TRPC7: variants seen among roughly 807,000 people sequenced by gnomAD.
The protein encoded by TRPC7 is short transient receptor potential channel 7.
In TRPC7, 42 loss-of-function variants were observed where a neutral mutation model predicts 90.1. The observed-to-expected ratio is 0.47, with a 90% CI of 0.36 to 0.60. TRPC7 has a LOEUF of 0.60. TRPC7 is among the 20% of genes least tolerant of loss of function. The probability of loss-of-function intolerance (pLI) is 0.00; values close to 1 mark genes in which losing one functional copy is unlikely to be tolerated. For missense variants in TRPC7, 955 were observed against 1,112.3 expected, an observed-to-expected ratio of 0.86 and a Z score of 2.01; for synonymous variants, 451 against 436.3, an observed-to-expected ratio of 1.03 and a Z score of -0.42.
chr5:136,356,954 T>C lies in TRPC7; in HGVS notation c.434A>G (p.Glu145Gly). The C allele has an allele frequency of 6.2e-7, 1 of 1,612,716 alleles. No individual in the cohort carries two copies. Among genetic ancestry groups the C allele is most frequent in the Non-Finnish European group, 8.5e-7 (1 of 1,179,660 alleles). ...GGCATAGAAGTCGTCGTCGCGCAGC[T>C]CCTGTTCCAGCGGGCTGAGCGTCAG... ...QRLTLSPLEQ[E>G]LRDDDFYAYD... The change falls in exon 2 of 12, where the codon GAG becomes GGG. Residue 145 changes from glutamate (E) to glycine (G), a missense_variant. Physicochemically the swap from Glu to Gly is moderately conservative, Grantham distance 98. Transcript: ENST00000513104.
chr5:136,296,205 A>G (rs1758164920), intron 3 of TRPC7, among the ~76,000 whole-genome samples: 1 of 152,206 alleles, frequency 6.6e-6, no homozygotes, highest in Non-Finnish European at 1.5e-5. Context: ...AGAGGAATGC[A>G]TTTTAAAATA....
intron 7 of TRPC7, among the ~76,000 whole-genome samples, chr5:136,234,958 C>T (rs533386755): frequency 6.6e-6 from 1 of 152,170 alleles, no homozygotes; most frequent in African/African-American, 2.4e-5. Context: ...AACTAAATAA[C>T]TTCTGAATGG....
intron 1 of TRPC7, among the ~76,000 whole-genome samples, chr5:136,361,395 TTATTA>T (rs1387784775): frequency 1.3e-5 from 2 of 152,158 alleles, no homozygotes; most frequent in Non-Finnish European, 2.9e-5. Context: ...GGAGGACTGA[TTATTA>T]AACTCCCTCT....
At chr5:136,315,480 CTG>C (rs1304319889) in intron 3 of TRPC7, 115 bp downstream of exon 3, 1 of 1,099,842 alleles carries the variant, frequency 9.1e-7, no homozygotes, top group African/African-American at 1.6e-5. Flanking sequence ...TAAAGAGAAT[CTG>C]GGTGTCATCA....
intron 2 of TRPC7, among the ~76,000 whole-genome samples, chr5:136,348,528 A>T (rs941033123): frequency 1.3e-5 from 2 of 152,164 alleles, no homozygotes; most frequent in Non-Finnish European, 2.9e-5. Flanking sequence ...TGCTGTGTTT[A>T]TTGGTATGAT....
At chr5:136,313,021 C>G (rs1758886009) in intron 3 of TRPC7, among the ~76,000 whole-genome samples, 1 of 134,904 alleles carries the variant, frequency 7.4e-6, no homozygotes, top group Admixed American at 8.8e-5. Context: ...CTTGCTATGT[C>G]CCCCAGGCTG....
Position 136,274,905 on chromosome 5 carries a change from G to A in TRPC7, c.964-68C>T. On this transcript the variant is annotated intron_variant, in intron 3 of 11. Coordinates refer to ENST00000513104, the MANE Select transcript of TRPC7 (RefSeq NM_020389.3). The stretch of plus-strand genomic sequence containing the variant: ...AAATGGCATTGATAGCACTTGAACA[G>A]TATACAACCTAGGAGTAGCTGGGGG... The A allele has an allele frequency of 2.7e-6, 4 of 1,500,566 alleles. 1 individual carries two copies. The South Asian group carries it at 3.9e-5, about 15-fold the overall frequency. The allele number at this position is 1,500,566 out of a possible 1,614,324, so 93.0% of individuals were successfully genotyped here.
chr5:136,301,902 G>A (rs1460505233), intron 3 of TRPC7, among the ~76,000 whole-genome samples: 1 of 152,184 alleles, frequency 6.6e-6, no homozygotes, highest in Admixed American at 6.5e-5. Context: ...CCTGCTCTTT[G>A]CTCCATGAGA....
At chr5:136,319,669 G>A (rs181216948) in intron 2 of TRPC7, among the ~76,000 whole-genome samples, 3 of 152,088 alleles carry the variant, frequency 2.0e-5, no homozygotes, top group African/African-American at 4.8e-5. Flanking sequence ...CATAAATCAC[G>A]TTCATGTTGC....
At chr5:136,238,494 G>A (rs531164761) in intron 7 of TRPC7, among the ~76,000 whole-genome samples, 1 of 152,306 alleles carries the variant, frequency 6.6e-6, no homozygotes, top group South Asian at 2.1e-4. Context: ...TGCCCCTGCT[G>A]GTAACATCTC....
chr5:136,365,221 A>AG (rs757923212), intron 1 of TRPC7, 32 bp downstream of exon 1: 32 of 1,536,600 alleles, frequency 2.1e-5, no homozygotes, highest in Middle Eastern at 3.3e-4. Flanking sequence ...GGAAAAAAAA[A>AG]TCAATATGAA....
intron 1 of TRPC7, among the ~76,000 whole-genome samples, chr5:136,359,231 G>A (rs906893859): frequency 6.6e-6 from 1 of 152,162 alleles, no homozygotes; most frequent in Non-Finnish European, 1.5e-5. Context: ...AGCAAATAAT[G>A]CAGATCAGAT....
chr5:136,238,697 G>A (rs570167896), intron 7 of TRPC7, among the ~76,000 whole-genome samples: 1 of 152,330 alleles, frequency 6.6e-6, no homozygotes, highest in South Asian at 2.1e-4. Context: ...CGTGAAGCCA[G>A]CATCCTCAGG....
At chr5:136,244,121 T>C (rs1327615169) in intron 7 of TRPC7, among the ~76,000 whole-genome samples, 2 of 151,986 alleles carry the variant, frequency 1.3e-5, no homozygotes, top group Non-Finnish European at 2.9e-5. Flanking sequence ...ATAATCTCTC[T>C]CTCTCTCTCT....
intron 3 of TRPC7, among the ~76,000 whole-genome samples, chr5:136,288,407 A>T (rs914832511): frequency 2.0e-5 from 3 of 147,598 alleles, no homozygotes; most frequent in Non-Finnish European, 3.0e-5. Context: ...AGAAGTAGAG[A>T]TTTTTTTTTT....
intron 2 of TRPC7, among the ~76,000 whole-genome samples, chr5:136,355,580 C>T (rs1330120736): frequency 3.3e-5 from 5 of 150,690 alleles, no homozygotes; most frequent in Non-Finnish European, 7.4e-5. Flanking sequence ...GGGCAGATCA[C>T]GAGGTCAGGA....
intron 3 of TRPC7, among the ~76,000 whole-genome samples, chr5:136,297,547 A>G (rs1005778402): frequency 1.3e-5 from 2 of 152,134 alleles, no homozygotes; most frequent in African/African-American, 4.8e-5. Context: ...TACTTCTGTA[A>G]TAAGTATACT....
chr5:136,258,809 AGG>A (rs1756765581), intron 5 of TRPC7, among the ~76,000 whole-genome samples: 1 of 152,196 alleles, frequency 6.6e-6, no homozygotes, highest in African/African-American at 2.4e-5. Flanking sequence ...CCTGGCCCCC[AGG>A]GGCTACTGTC....
At position 136,315,578 on chromosome 5, in the gene TRPC7, G is replaced by A. The variant is rs1188961724; in HGVS notation, c.963+19C>T. 2 of 1,612,630 alleles carry A rather than the reference G, an allele frequency of 1.2e-6. No individual in the cohort carries two copies. The highest frequency in any genetic ancestry group is 2.2e-5 in the South Asian group (2 of 90,946). On this transcript the variant is annotated intron_variant, in intron 3 of 11. Coordinates refer to ENST00000513104, the MANE Select transcript of TRPC7 (RefSeq NM_020389.3). ...AAGAGAGGTGAGATGGGAAGACCAG[G>A]AGAGATGGGGGAGCTTACCTTCTTG...
Sources: gnomAD v4.1 joint callset for allele counts (sites outside exome capture counted in the v4.1 genomes callset) on GRCh38, gnomAD v4.1.1 for gene constraint, MANE v1.5 for transcripts, NCBI Gene and HGNC (gene_info 2026-07-23, HGNC 2026-07-21) for gene names.